The following PBRM1 variants were observed in gnomAD, a reference collection of about 807,000 sequenced individuals.
PBRM1 encodes the protein polybromo 1, also known as protein polybromo-1.
In PBRM1, 27 loss-of-function variants were observed where a neutral mutation model predicts 194.5. That is an observed-to-expected ratio of 0.14 (90% CI 0.10 to 0.19). PBRM1 has a LOEUF of 0.19. Ranked by LOEUF, PBRM1 falls within the 10% of genes least tolerant of loss-of-function variation. The probability of loss-of-function intolerance (pLI) is 1.00; values close to 1 mark genes in which losing one functional copy is unlikely to be tolerated. For missense variants in PBRM1, 1,466 were observed against 2,077.2 expected, an observed-to-expected ratio of 0.71 and a Z score of 5.72; for synonymous variants, 655 against 693.2, an observed-to-expected ratio of 0.94 and a Z score of 0.87.
chr3:52,558,354 G>A, exon 26 of PBRM1: 1 of 1,550,284 alleles, frequency 6.5e-7, no homozygotes, highest in Non-Finnish European at 8.7e-7. Flanking sequence ...GAAGCACTCG[G>A]CTGCTGTTGC....
intron 12 of PBRM1, 89 bp downstream of exon 13, chr3:52,628,805 G>GA (rs2095526863): frequency 3.5e-6 from 4 of 1,153,146 alleles, no homozygotes; most frequent in Non-Finnish European, 5.2e-6. Context: ...GGGTGGGGGG[G>GA]ATCACACATC....
exon 1 of PBRM1, chr3:52,685,819 G>A (rs926453994): frequency 3.2e-5 from 13 of 407,026 alleles, no homozygotes; most frequent in Non-Finnish European, 4.8e-5. Flanking sequence ...GGCCGCCACG[G>A]CTGCTGCTAT....
chr3:52,552,704 T>A (rs774376495), intron 27 of PBRM1, among the ~76,000 whole-genome samples: 2 of 152,138 alleles, frequency 1.3e-5, no homozygotes, highest in Non-Finnish European at 2.9e-5. Flanking sequence ...ACCTAGAGGG[T>A]ACTGGCATTA....
At chr3:52,591,562 C>CA (rs1308129281) in intron 17 of PBRM1, among the ~76,000 whole-genome samples, 1 of 138,102 alleles carries the variant, frequency 7.2e-6, no homozygotes, top group Non-Finnish European at 1.5e-5. Context: ...TCTTGTCTCC[C>CA]AGGCTGGAGT....
chr3:52,657,358 A>C (rs1324709175), intron 5 of PBRM1, among the ~76,000 whole-genome samples: 1 of 152,248 alleles, frequency 6.6e-6, no homozygotes, highest in Non-Finnish European at 1.5e-5. Flanking sequence ...AAAAACAAAA[A>C]ACGTAAAAAT....
chr3:52,633,693 T>G (rs946447909), intron 11 of PBRM1, among the ~76,000 whole-genome samples: 3 of 152,182 alleles, frequency 2.0e-5, no homozygotes, highest in Non-Finnish European at 4.4e-5. Context: ...TTTTTTAAAG[T>G]AACCATCCTA....
In PBRM1 at chr3:52,563,504, T is replaced by C. The variant is rs1256854257; in HGVS notation, c.3876-11A>G. 6.2e-7 allele frequency: 1 copy of C among 1,609,350 alleles called. No homozygotes were observed. Among genetic ancestry groups the C allele is most frequent in the Non-Finnish European group, 8.5e-7 (1 of 1,175,922 alleles). ...GGAACAATTGGTTTTCTGAAAAAAG[T>C]GACATAAAAAACCTAAAATCACCTA... On this transcript the variant is annotated splice_polypyrimidine_tract_variant and intron_variant, in intron 23 of 29. Transcript: ENST00000296302.
At chr3:52,653,737 C>T (rs1445385113) in intron 5 of PBRM1, among the ~76,000 whole-genome samples, 1 of 151,942 alleles carries the variant, frequency 6.6e-6, no homozygotes, top group African/African-American at 2.4e-5. Flanking sequence ...TGGTGAAACC[C>T]CGTCTCTACT....
chr3:52,672,255 C>T, intron 2 of PBRM1, among the ~76,000 whole-genome samples: 1 of 152,228 alleles, frequency 6.6e-6, no homozygotes, highest in Non-Finnish European at 1.5e-5. Context: ...TTGTCTCCCT[C>T]TTCCCCATTT....
chr3:52,550,452 G>C (rs2153370299), exon 29 of PBRM1: 1 of 1,513,040 alleles, frequency 6.6e-7, no homozygotes, highest in Non-Finnish European at 8.9e-7. Flanking sequence ...TGCTAATGCT[G>C]TTGGACTCCG....
chr3:52,548,154 G>C (rs1423149207), exon 30 of PBRM1: 1 of 1,611,592 alleles, frequency 6.2e-7, no homozygotes. Context: ...TGCCATGGTG[G>C]TGTGGGCCCC....
At chr3:52,649,278 G>A (rs1363608935) in intron 6 of PBRM1, among the ~76,000 whole-genome samples, 3 of 152,206 alleles carry the variant, frequency 2.0e-5, no homozygotes, top group Admixed American at 1.3e-4. Context: ...TAATGAGGAT[G>A]TAAGTGGGCA....
At chr3:52,681,797 G>A, upstream of PBRM1, 1 of 767,228 alleles carries the variant, frequency 1.3e-6, no homozygotes, top group Non-Finnish European at 1.6e-6. Flanking sequence ...TAGAAGTGCT[G>A]ATTCAGTGTT....
At chr3:52,637,869 C>CTGG (rs2095885243) in intron 10 of PBRM1, among the ~76,000 whole-genome samples, 1 of 150,806 alleles carries the variant, frequency 6.6e-6, no homozygotes. Flanking sequence ...TCACTTGAAC[C>CTGG]TGGGAGGCAG....
At chr3:52,587,548 G>T (rs755734710) in intron 18 of PBRM1, 38 bp from the exon 21 acceptor site, 17 of 1,223,646 alleles carry the variant, frequency 1.4e-5, no homozygotes, top group East Asian at 2.4e-5. Context: ...AAGAGAAAGA[G>T]AATCATTGTT....
intron 4 of PBRM1, among the ~76,000 whole-genome samples, chr3:52,659,145 G>A (rs1036520285): frequency 2.6e-5 from 4 of 152,090 alleles, no homozygotes; most frequent in Non-Finnish European, 4.4e-5. Context: ...CACCATTTCT[G>A]TTCTTTAGAC....
chr3:52,545,857 TTTC>T, downstream of PBRM1: 1 of 233,170 alleles, frequency 4.3e-6, no homozygotes, highest in Non-Finnish European at 8.5e-6. Flanking sequence ...TCAATTTTTT[TTTC>T]TTTTTTGAAG....
At chr3:52,663,229 G>A (rs1012739513) in intron 3 of PBRM1, among the ~76,000 whole-genome samples, 5 of 152,156 alleles carry the variant, frequency 3.3e-5, no homozygotes, top group Admixed American at 3.3e-4. Context: ...ATAAAACCAA[G>A]CTTTCATTTC....
chr3:52,555,015 A>C (rs2081935086), intron 26 of PBRM1, 136 bp from the exon 29 acceptor site: 1 of 647,476 alleles, frequency 1.5e-6, no homozygotes, highest in Non-Finnish European at 2.6e-6. Context: ...AATTAGTGCA[A>C]TTATTTTGCT....
Sources: allele counts gnomAD v4.1 joint callset (sites outside exome capture counted in the v4.1 genomes callset), GRCh38; gene constraint gnomAD v4.1.1; transcripts MANE v1.5; gene names NCBI Gene and HGNC (gene_info 2026-07-23, HGNC 2026-07-21).